The following PIEZO1 variants were observed in gnomAD, a reference collection of about 807,000 sequenced individuals.
PIEZO1 encodes the protein piezo type mechanosensitive ion channel component 1 (Er blood group).
PIEZO1 carries 296 observed loss-of-function variants against 297.2 expected under a neutral mutation model. That is an observed-to-expected ratio of 1.00 (90% CI 0.91 to 1.10). PIEZO1 has a LOEUF of 1.10. Among genes scored for constraint, PIEZO1 ranks in the 50% least tolerant of loss-of-function variants. The probability of loss-of-function intolerance (pLI) is 0.00; values close to 1 mark genes in which losing one functional copy is unlikely to be tolerated. For missense variants in PIEZO1, 5,018 were observed against 3,455.5 expected, an observed-to-expected ratio of 1.45 and a Z score of -11.34; for synonymous variants, 2,427 against 1,507.5, an observed-to-expected ratio of 1.61 and a Z score of -14.13.
At chr16:88,737,538 C>T in intron 10 of PIEZO1, 21 bp downstream of exon 10, 1 of 1,501,724 alleles carries the variant, frequency 6.7e-7, no homozygotes, top group Non-Finnish European at 8.9e-7. Flanking sequence ...CCAGCCATAC[C>T]TTGCAGTGTG....
At chr16:88,726,062 C>T (rs1904401885) in intron 27 of PIEZO1, 1 of 582,868 alleles carries the variant, frequency 1.7e-6, no homozygotes, top group Non-Finnish European at 3.0e-6. Flanking sequence ...CAGCCACCGT[C>T]AGCACTGCAG....
At chr16:88,784,880 A>G (rs1171707912) in intron 1 of PIEZO1, 21 bp downstream of exon 1, 2 of 1,410,842 alleles carry the variant, frequency 1.4e-6, no homozygotes, top group South Asian at 1.3e-5. Flanking sequence ...CGTCGCCCCC[A>G]GGCGCCCGCC....
chr16:88,743,394 C>T (rs540862518), intron 2 of PIEZO1: 1 of 447,642 alleles, frequency 2.2e-6, no homozygotes, highest in African/African-American at 2.0e-5. Flanking sequence ...GGCCCTCACC[C>T]TGGGGCAGCA....
chr16:88,733,586 A>AC lies in PIEZO1; in HGVS notation c.2487+1dup. 1 of 1,539,302 alleles carries AC rather than the reference A, an allele frequency of 6.5e-7. No individual in the cohort carries two copies. The highest frequency in any genetic ancestry group is 8.8e-7 in the Non-Finnish European group (1 of 1,139,362). ...GGAAGCTGAGTTGCCTGCCACACTC[A>AC]CCTCCTTCAGGGCCACCCAGACGGT... On this transcript the variant is annotated splice_donor_variant, in intron 18 of 50. Coordinates refer to ENST00000301015, the MANE Select transcript of PIEZO1 (RefSeq NM_001142864.4). LOFTEE classifies it high-confidence loss of function.
At chr16:88,774,792 A>G (rs1376815286) in intron 1 of PIEZO1, among the ~76,000 whole-genome samples, 3 of 152,236 alleles carry the variant, frequency 2.0e-5, no homozygotes, top group Admixed American at 6.5e-5. Flanking sequence ...GGCACCCCGG[A>G]GCCGGCTGCG....
intron 1 of PIEZO1, among the ~76,000 whole-genome samples, chr16:88,753,578 T>A (rs1192688672): frequency 6.6e-6 from 1 of 152,020 alleles, no homozygotes; most frequent in Admixed American, 6.5e-5. Flanking sequence ...AATGCTCCAA[T>A]GCCCCCATTT....
chr16:88,726,879 C>A lies in PIEZO1; in HGVS notation c.3535G>T (p.Ala1179Ser). 1 of 1,550,374 alleles carries A rather than the reference C, an allele frequency of 6.5e-7. No individual in the cohort carries two copies. Among genetic ancestry groups the A allele is most frequent in the East Asian group, 2.4e-5 (1 of 40,918 alleles). The part of the protein sequence containing the change: ...LVLVVVFVTG[A>S]TRISIFGLGY... ...AGCCCGAAGATGCTGATGCGGGTGG[C>A]CCCCGTGACAAACACCACCACCAGC... is the stretch of plus-strand genomic sequence containing the variant. The change falls in exon 25 of 51, where the codon GCC (alanine) becomes TCC (serine). Residue 1179 changes from alanine to serine, a missense_variant. Ala to Ser is a moderately conservative substitution (Grantham distance 99). Coordinates refer to ENST00000301015, the MANE Select transcript of PIEZO1 (RefSeq NM_001142864.4).
chr16:88,747,026 C>T lies in PIEZO1; in HGVS notation c.160+2358G>A, dbSNP rs574818940. The stretch of plus-strand genomic sequence containing the variant: ...CCCAGCACTCGGCCGCACTGGGCCC[C>T]TCCCAAAATGCCTCTCTGCACCCCT... On this transcript the variant is annotated intron_variant, in intron 2 of 50. Coordinates refer to ENST00000301015, the MANE Select transcript of PIEZO1 (RefSeq NM_001142864.4). 3.3e-4 allele frequency among the ~76,000 whole-genome samples: 51 copies of T among 152,320 alleles called. No homozygotes were observed. The South Asian group carries it at 0.01, about 31-fold the overall frequency.
At chr16:88,757,622 A>G (rs952152481) in intron 1 of PIEZO1, among the ~76,000 whole-genome samples, 3 of 152,094 alleles carry the variant, frequency 2.0e-5, no homozygotes, top group Admixed American at 1.3e-4. Context: ...CATGGGTTGA[A>G]GCTTCGTCAC....
intron 50 of PIEZO1, 24 bp downstream of exon 50, chr16:88,715,909 G>A: frequency 6.5e-7 from 1 of 1,533,706 alleles, no homozygotes; most frequent in African/African-American, 1.4e-5. Context: ...GAGCTGCGGG[G>A]TGCCCCCCCA....
At chr16:88,783,810 C>T (rs548669109) in intron 1 of PIEZO1, among the ~76,000 whole-genome samples, 2 of 152,340 alleles carry the variant, frequency 1.3e-5, no homozygotes, top group African/African-American at 4.8e-5. Context: ...CCGATCAAAA[C>T]GCAGTCTGTC....
At chr16:88,727,307 C>G in intron 23 of PIEZO1, 115 bp from the exon 24 acceptor site, 1 of 1,218,598 alleles carries the variant, frequency 8.2e-7, no homozygotes, top group Non-Finnish European at 1.1e-6. Context: ...TGGGAGCGGA[C>G]ACACGTCTGC....
intron 34 of PIEZO1, 37 bp from the exon 35 acceptor site, chr16:88,722,726 G>C (rs1011571242): frequency 7.8e-6 from 12 of 1,530,796 alleles, no homozygotes; most frequent in South Asian, 3.6e-5. Flanking sequence ...GCTGCGTCCA[G>C]CTCTTGTCCC....
Position 88,723,121 on chromosome 16 carries a change from G to C in PIEZO1, c.4469C>G (p.Ala1490Gly). The change falls in exon 33 of 51, where the codon GCA becomes GGA. Residue 1490 changes from alanine to glycine, a missense_variant. Physicochemically the swap from Ala to Gly is moderately conservative, Grantham distance 60 (BLOSUM62 0). Transcript: ENST00000301015. ...TGCCGCTGCCTCCTCGGGGCCCTCT[G>C]CTGGCTCCACCTCCTGGCTGGGACC... The part of the protein sequence containing the change: ...GGGPSQEVEP[A>G]EGPEEAAAGR... 1 of 1,548,792 alleles carries C rather than the reference G, an allele frequency of 6.5e-7. No homozygotes were observed. Among genetic ancestry groups the C allele is most frequent in the Non-Finnish European group, 8.7e-7 (1 of 1,146,816 alleles).
intron 19 of PIEZO1, chr16:88,733,040 CCG>C: frequency 1.7e-6 from 1 of 585,190 alleles, no homozygotes; most frequent in Non-Finnish European, 3.0e-6. Flanking sequence ...GTCCTCACTG[CCG>C]GAGACCCTGG....
chr16:88,721,638 T>C lies in PIEZO1; in HGVS notation c.5303A>G (p.Tyr1768Cys). The change falls in exon 38 of 51, where the codon TAC becomes TGC. Residue 1768 changes from tyrosine to cysteine, a missense_variant. Coordinates refer to ENST00000301015, the MANE Select transcript of PIEZO1 (RefSeq NM_001142864.4). ...CAGGCCCAGGATGCGGGGCGGGAAGTAGGGCTTGTTCTCGTAGCGCCGCAG... is the reference window on the plus strand; with the variant it reads ...CAGGCCCAGGATGCGGGGCGGGAAGCAGGGCTTGTTCTCGTAGCGCCGCAG... ...VVLRRYENKPYFPPRILGLEK... is the reference protein window; with the variant it reads ...VVLRRYENKPCFPPRILGLEK... The C allele has an allele frequency of 6.5e-7, 1 of 1,549,960 alleles. No homozygotes were observed. Among genetic ancestry groups the C allele is most frequent in the South Asian group, 1.2e-5 (1 of 84,042 alleles).
At chr16:88,737,442 G>T (rs1213787909) in intron 10 of PIEZO1, 117 bp downstream of exon 10, 2 of 674,896 alleles carry the variant, frequency 3.0e-6, no homozygotes, top group Non-Finnish European at 2.4e-6. Flanking sequence ...CCCCGAGGGG[G>T]CGGCAGGCAG....
Position 88,725,481 on chromosome 16 carries a change from T to C in PIEZO1, c.4097A>G (p.Gln1366Arg). The change falls in exon 29 of 51, where the codon CAG (glutamine) becomes CGG (arginine). Residue 1366 changes from glutamine to arginine, a missense_variant. Transcript: ENST00000301015. ...GGGGCGACTGCGGTCCACCCGGCCC[T>C]GCCTGTGCTTCTCCTGCTTGGCACG... ...RIRAKQEKHR[Q>R]GRVDRSRPQD... 6.6e-7 allele frequency: 1 copy of C among 1,524,070 alleles called. No homozygotes were observed. Among genetic ancestry groups the C allele is most frequent in the Non-Finnish European group, 8.8e-7 (1 of 1,131,802 alleles). 94.4% of individuals were successfully genotyped at this position (1,524,070 alleles called of 1,614,324 possible).
In PIEZO1 at chr16:88,734,550, C is replaced by T. The variant is rs1597458004; in HGVS notation, c.1998-12G>A. 1 of 1,542,106 alleles carries T rather than the reference C, an allele frequency of 6.5e-7. No homozygotes were observed. The highest frequency in any genetic ancestry group is 8.8e-7 in the Non-Finnish European group (1 of 1,141,982). On this transcript the variant is annotated splice_polypyrimidine_tract_variant and intron_variant, in intron 15 of 50. Coordinates refer to ENST00000301015, the MANE Select transcript of PIEZO1 (RefSeq NM_001142864.4). ...CCAGGTCCCCCAGCCTGTGGAGGGG[C>T]AGCATCAGCACCGGCCCGGCCCCCG...
Sources: gnomAD v4.1 joint callset for allele counts (sites outside exome capture counted in the v4.1 genomes callset) on GRCh38, gnomAD v4.1.1 for gene constraint, MANE v1.5 for transcripts, NCBI Gene and HGNC (gene_info 2026-07-23, HGNC 2026-07-21) for gene names.